The following RADIL variants were observed in gnomAD, a reference collection of about 807,000 sequenced individuals.
RADIL encodes ras-associating and dilute domain-containing protein.
RADIL carries 99 observed loss-of-function variants against 97.6 expected under a neutral mutation model. The observed-to-expected ratio is 1.01, with a 90% CI of 0.86 to 1.20. The LOEUF is 1.20. RADIL is among the 50% of genes most tolerant of loss of function. The pLI, the probability that RADIL is intolerant of heterozygous loss-of-function variation, is 0.00. For missense variants in RADIL, 1,765 were observed against 1,498.9 expected (o/e 1.18, Z -2.93); for synonymous variants, 803 against 691.8 (o/e 1.16, Z -2.52).
At chr7:4,875,114 C>T (rs1784342130) in intron 2 of RADIL, among the ~76,000 whole-genome samples, 3 of 143,508 alleles carry the variant, frequency 2.1e-5, no homozygotes. Context: ...ATGGCGTGAA[C>T]CCGGGAGGCG....
chr7:4,812,036 G>A (rs1782562339), intron 9 of RADIL, among the ~76,000 whole-genome samples: 2 of 151,732 alleles, frequency 1.3e-5, no homozygotes, highest in Admixed American at 1.3e-4. Context: ...CACCATGCCT[G>A]GCTACTTTTT....
At chr7:4,807,488 CCT>C (rs1285757940) in intron 9 of RADIL, among the ~76,000 whole-genome samples, 1 of 150,604 alleles carries the variant, frequency 6.6e-6, no homozygotes, top group African/African-American at 2.5e-5. Flanking sequence ...TCTCCCCCTC[CCT>C]CTGTCTGTCT....
intron 9 of RADIL, chr7:4,809,418 C>T (rs1782471043): frequency 1.0e-6 from 1 of 985,348 alleles, no homozygotes; most frequent in African/African-American, 1.7e-5. Context: ...TGCCTCCTTT[C>T]CGTGCACACA....
At chr7:4,833,918 C>CGTGT (rs112180504) in intron 4 of RADIL, among the ~76,000 whole-genome samples, 6 of 151,650 alleles carry the variant, frequency 4.0e-5, no homozygotes, top group African/African-American at 2.4e-5. Flanking sequence ...GGGTGTATTG[C>CGTGT]GTGTGTGTGT....
rs1489176159 is a variant in RADIL at position 4,819,282 on chromosome 7, G to A, written c.1616-1931C>T. ...AGACGGGGTTTCACCATGTTGGCCAGGCTGGTCTCAAACTCCTGACCTCAT... is the reference window on the plus strand; with the variant it reads ...AGACGGGGTTTCACCATGTTGGCCAAGCTGGTCTCAAACTCCTGACCTCAT... On this transcript the variant is annotated intron_variant, in intron 6 of 14. Transcript: ENST00000399583. This position sits in a 1 kb window ranked among gnomAD's most constrained non-coding sequence, Gnocchi z 5.8. Among the ~76,000 whole-genome samples the A allele has an allele frequency of 6.6e-6, 1 of 151,846 alleles. No homozygotes were observed. The highest frequency in any genetic ancestry group is 2.1e-4 in the South Asian group (1 of 4,810).
rs923248280 is a variant in RADIL, at chr7:4,803,638, C to T, written c.2407G>A (p.Val803Ile). 15 of 1,549,928 alleles carry T rather than the reference C, an allele frequency of 9.7e-6. No homozygotes were observed. The highest frequency in any genetic ancestry group is 2.4e-5 in the East Asian group (1 of 40,922). The change falls in exon 11 of 15, where the codon GTC (valine) becomes ATC (isoleucine). Residue 803 changes from valine to isoleucine, a missense_variant. Physicochemically the swap from Val to Ile is conservative, Grantham distance 29. Transcript: ENST00000399583. ...CGCAGACCCCACAGAAAGTGGCGGA[C>T]GTAGAGCAGGTGCTGGTAGATGCTG... ...DDSIYQHLLY[V>I]RHFLWGLRSR...
In RADIL at chr7:4,815,639, G is replaced by C. The variant is rs1181458261; in HGVS notation, c.1967-189C>G. 6.6e-6 allele frequency among the ~76,000 whole-genome samples: 1 copy of C among 152,194 alleles called. No individual in the cohort carries two copies. The highest frequency in any genetic ancestry group is 1.5e-5 in the Non-Finnish European group (1 of 68,026). On this transcript the variant is annotated intron_variant, in intron 8 of 14. Coordinates refer to ENST00000399583, the MANE Select transcript of RADIL (RefSeq NM_018059.5). This position sits in a 1 kb window ranked among gnomAD's most constrained non-coding sequence, Gnocchi z 8.0. Reference sequence around the variant, plus strand: ...GCCTTGAACCCCTCTCTGGAGCGGGGGTACGGTGGGAGGTGAACGTAGCAG... The same window carrying C: ...GCCTTGAACCCCTCTCTGGAGCGGGCGTACGGTGGGAGGTGAACGTAGCAG...
chr7:4,805,748 G>C (rs552104663), intron 9 of RADIL, 32 bp from the exon 10 acceptor site: 20 of 1,593,538 alleles, frequency 1.3e-5, no homozygotes, highest in Admixed American at 1.7e-5. Context: ...ATGGTCACAG[G>C]TCTCTGGGTG....
intron 9 of RADIL, among the ~76,000 whole-genome samples, chr7:4,807,155 C>A (rs1040938294): frequency 6.6e-6 from 1 of 152,046 alleles, no homozygotes; most frequent in African/African-American, 2.4e-5. Context: ...CGCTCTGTTT[C>A]TCTCCCATGT....
At chr7:4,841,158 G>A (rs943376023) in intron 2 of RADIL, among the ~76,000 whole-genome samples, 4 of 152,320 alleles carry the variant, frequency 2.6e-5, no homozygotes, top group South Asian at 4.1e-4. Context: ...GCCAGAATAC[G>A]CCCATGTCTT....
At chr7:4,853,765 G>A (rs539350629) in intron 2 of RADIL, among the ~76,000 whole-genome samples, 16 of 132,238 alleles carry the variant, frequency 1.2e-4, no homozygotes, top group Non-Finnish European at 1.8e-4. Context: ...AAAAAAATAC[G>A]CTGGGTGTAC....
Position 4,799,435 on chromosome 7 carries a change from G to A in RADIL, c.3171C>T (p.Val1057=), listed in dbSNP as rs773741937. ...TGGCTGTTTCCACGTCGGACTTCGC[G>A]ACCAGGAACCGCATCTTCTTCCCGC... is the stretch of plus-strand genomic sequence containing the variant. ...RHGGKKMRFL[V]AKSDVETAKK... The change falls in exon 15 of 15, where the codon GTC becomes GTT. Residue 1057 remains valine (V), a synonymous_variant. Transcript: ENST00000399583. 22 of 1,613,656 alleles carry A rather than the reference G, an allele frequency of 1.4e-5. No individual in the cohort carries two copies. Among genetic ancestry groups the A allele is most frequent in the South Asian group, 5.5e-5 (5 of 91,082 alleles).
At chr7:4,802,124 G>A (rs951642421) in intron 11 of RADIL, 129 bp from the exon 12 acceptor site, 3 of 743,640 alleles carry the variant, frequency 4.0e-6, no homozygotes, top group Non-Finnish European at 4.3e-6. Flanking sequence ...GACTCCCGCA[G>A]CCTGTGCAGC....
At chr7:4,803,866 C>G in intron 10 of RADIL, 112 bp from the exon 11 acceptor site, 1 of 966,406 alleles carries the variant, frequency 1.0e-6, no homozygotes. Context: ...AGCCCTGAGT[C>G]CCCTGCCCTG....
At chr7:4,860,587 C>T in intron 2 of RADIL, 3 of 1,614,166 alleles carry the variant, frequency 1.9e-6, no homozygotes, top group East Asian at 2.2e-5. Flanking sequence ...TAAATTCATT[C>T]TTCTCCAAGC....
At chr7:4,861,385 C>T in intron 2 of RADIL, 3 of 1,614,202 alleles carry the variant, frequency 1.9e-6, no homozygotes, top group Non-Finnish European at 2.5e-6. Context: ...CTTTCACTTC[C>T]TCCTGTAGTT....
chr7:4,834,999 C>T lies in RADIL; in HGVS notation c.1024G>A (p.Gly342Arg), dbSNP rs779978904. Residue 342 changes from glycine to arginine, a missense_variant, in exon 4 of 15, where the codon GGG becomes AGG. Gly to Arg is a moderately radical substitution (Grantham distance 125, BLOSUM62 -2). Transcript: ENST00000399583. This position sits in a 1 kb window ranked among gnomAD's most constrained non-coding sequence, Gnocchi z 6.0. ...TAGAGCCCCAGGGAGAGCAGGTCCCCGTGGTGCAGCACCACGGTCCTGTGC... is the reference window on the plus strand; with the variant it reads ...TAGAGCCCCAGGGAGAGCAGGTCCCTGTGGTGCAGCACCACGGTCCTGTGC... ...VGHRTVVLHH[G>R]DLLSLGLYYL... 5 of 1,611,454 alleles carry T rather than the reference C, an allele frequency of 3.1e-6. No homozygotes were observed. Among genetic ancestry groups the T allele is most frequent in the Admixed American group, 1.7e-5 (1 of 59,900 alleles).
rs557055430 is a variant in RADIL at position 4,880,017 on chromosome 7, G to A, written c.-64-1814C>T. On this transcript the variant is annotated intron_variant, in intron 1 of 14. Transcript: ENST00000399583. This position sits in a 1 kb window ranked among gnomAD's most constrained non-coding sequence, Gnocchi z 4.5. ...ACACCAGAGACTGGGTTCCCAACGC[G>A]GACGTCTGCCCTGCGGGGTGGGTGG... 4.4e-4 allele frequency among the ~76,000 whole-genome samples: 67 copies of A among 152,270 alleles called. 2 individuals carry two copies. Among genetic ancestry groups the A allele is most frequent in the African/African-American group, 1.6e-3 (66 of 41,572 alleles).
intron 2 of RADIL, chr7:4,861,940 C>G (rs568349202): frequency 3.2e-4 from 161 of 506,586 alleles, no homozygotes; most frequent in African/African-American, 3.0e-3. Context: ...ACTCCCACTC[C>G]CGCTGCGCGC....
Sources: allele counts gnomAD v4.1 joint callset (sites outside exome capture counted in the v4.1 genomes callset), GRCh38; gene constraint gnomAD v4.1.1; non-coding constraint Gnocchi (gnomAD v3.1); transcripts MANE v1.5; gene names NCBI Gene and HGNC (gene_info 2026-07-23, HGNC 2026-07-21).